Variants in TRAP1 observed in about 807,000 individuals in gnomAD.
The protein encoded by TRAP1 is TNF receptor associated protein 1.
A neutral mutation model predicts 89.1 loss-of-function variants in TRAP1; 102 were observed. The observed-to-expected ratio is 1.15, with a 90% CI of 0.98 to 1.35. TRAP1 has a LOEUF of 1.35. Among genes scored for constraint, TRAP1 ranks in the 40% most tolerant of loss-of-function variants. TRAP1 has a pLI of 0.00. For synonymous variants in TRAP1, 508 were observed against 388.0 expected, an observed-to-expected ratio of 1.31 and a Z score of -3.64; for missense variants, 1,256 against 945.3, an observed-to-expected ratio of 1.33 and a Z score of -4.31.
At chr16:3,678,813 C>G (rs1360261819) in intron 5 of TRAP1, among the ~76,000 whole-genome samples, 1 of 152,186 alleles carries the variant, frequency 6.6e-6, no homozygotes, top group Non-Finnish European at 1.5e-5. Context: ...TTGCCCAGAG[C>G]TGGAAAAGGG....
chr16:3,666,701 T>C (rs1372085536), intron 11 of TRAP1, among the ~76,000 whole-genome samples: 1 of 152,152 alleles, frequency 6.6e-6, no homozygotes, highest in Non-Finnish European at 1.5e-5. Context: ...ATTCTACATG[T>C]ACATAACAAT....
intron 6 of TRAP1, among the ~76,000 whole-genome samples, chr16:3,677,278 C>T (rs545759120): frequency 6.6e-6 from 1 of 152,098 alleles, no homozygotes; most frequent in Non-Finnish European, 1.5e-5. Flanking sequence ...CCTGCCTTCC[C>T]GAGCGCAGTG....
chr16:3,700,645 T>C (rs1302914485), intron 1 of TRAP1, among the ~76,000 whole-genome samples: 2 of 151,934 alleles, frequency 1.3e-5, no homozygotes, highest in African/African-American at 4.8e-5. Flanking sequence ...TTTATATTTT[T>C]AGTAGAGATG....
At chr16:3,675,847 C>T (rs2050984074) in intron 7 of TRAP1, among the ~76,000 whole-genome samples, 189 bp downstream of exon 7, 1 of 152,232 alleles carries the variant, frequency 6.6e-6, no homozygotes, top group African/African-American at 2.4e-5. Context: ...CCTCCCAGTC[C>T]CAGCAGGAGC....
intron 4 of TRAP1, among the ~76,000 whole-genome samples, chr16:3,682,700 T>C (rs1394104412): frequency 1.3e-5 from 2 of 151,734 alleles, no homozygotes; most frequent in African/African-American, 4.8e-5. Context: ...GCAAAAAAAA[T>C]AATTTTTTTA....
intron 1 of TRAP1, among the ~76,000 whole-genome samples, chr16:3,698,019 G>T (rs1194094198): frequency 6.6e-6 from 1 of 151,772 alleles, no homozygotes; most frequent in African/African-American, 2.4e-5. Flanking sequence ...CACCATGTTG[G>T]CCAGGATGGT....
intron 4 of TRAP1, among the ~76,000 whole-genome samples, chr16:3,680,369 C>T (rs1159608347): frequency 1.3e-5 from 2 of 152,216 alleles, no homozygotes; most frequent in African/African-American, 2.4e-5. Context: ...ATTACACCAG[C>T]AATTAGGAAA....
At position 3,705,858 on chromosome 16, in the gene TRAP1, T is replaced by G. The variant is rs143675433; in HGVS notation, c.88+11563A>C. On this transcript the variant is annotated intron_variant, in intron 1 of 17. Coordinates refer to ENST00000246957, the MANE Select transcript of TRAP1 (RefSeq NM_016292.3). Reference sequence around the variant, plus strand: ...CCACACCCGGCTAATTTTATATATATATATATTTTTTTTTAGTAGAGACGG... The same window carrying G: ...CCACACCCGGCTAATTTTATATATAGATATATTTTTTTTTAGTAGAGACGG... Among the ~76,000 whole-genome samples the G allele has an allele frequency of 6.8e-3, 1,031 of 151,548 alleles. 11 individuals carry two copies. The highest frequency in any genetic ancestry group is 0.024 in the African/African-American group (974 of 41,294).
At chr16:3,660,268 T>G (rs1426614910) in intron 16 of TRAP1, 1 of 152,204 alleles carries the variant, frequency 6.6e-6, no homozygotes, top group Non-Finnish European at 1.5e-5. Context: ...GGGACACAGG[T>G]AGGAGGAAAT....
chr16:3,693,399 AAAAATCCCGGGAC>A lies in TRAP1; in HGVS notation c.89-2427_89-2415del, dbSNP rs1221065890. On this transcript the variant is annotated intron_variant, in intron 1 of 17. Transcript: ENST00000246957. ...TTATTCGTACAGTTAAAAAAAAAAA[AAAAATCCCGGGAC>A]ATTTCTTCTGGAATTAAATGGTATT... Among the ~76,000 whole-genome samples, 199 of 126,380 alleles carry A rather than the reference AAAAATCCCGGGAC, an allele frequency of 1.6e-3. 1 individual carries two copies. Among genetic ancestry groups the A allele is most frequent in the African/African-American group, 4.9e-3 (192 of 39,554 alleles). 82.9% of individuals were successfully genotyped at this position (126,380 alleles called of 152,430 possible). A position where few individuals can be genotyped will look rare whatever the true frequency, so the allele number is the denominator to read the frequency against.
At position 3,658,879 on chromosome 16, in the gene TRAP1, C is replaced by T; in HGVS notation, c.1941-14G>A. 6.2e-7 allele frequency: 1 copy of T among 1,613,912 alleles called. No homozygotes were observed. The highest frequency in any genetic ancestry group is 8.5e-7 in the Non-Finnish European group (1 of 1,179,898). On this transcript the variant is annotated splice_polypyrimidine_tract_variant and intron_variant, in intron 16 of 17. Transcript: ENST00000246957. Reference sequence around the variant, plus strand: ...ATGAGCGCGTGCCTGCAACACAGAACCCACCAGAAAAAGCAGCTCAGTACC... The same window carrying T: ...ATGAGCGCGTGCCTGCAACACAGAATCCACCAGAAAAAGCAGCTCAGTACC...
At chr16:3,705,824 C>T (rs1188733338) in intron 1 of TRAP1, among the ~76,000 whole-genome samples, 5 of 151,846 alleles carry the variant, frequency 3.3e-5, no homozygotes, top group Non-Finnish European at 7.4e-5. Context: ...AGATTACAGG[C>T]ATGTGCCACC....
chr16:3,671,011 A>G (rs1361640321), intron 11 of TRAP1, among the ~76,000 whole-genome samples: 1 of 152,038 alleles, frequency 6.6e-6, no homozygotes, highest in Non-Finnish European at 1.5e-5. Context: ...ATCTGCTTCC[A>G]TTTCAACACT....
At chr16:3,714,578 G>A (rs766403638) in intron 1 of TRAP1, among the ~76,000 whole-genome samples, 1 of 152,180 alleles carries the variant, frequency 6.6e-6, no homozygotes, top group Admixed American at 6.5e-5. Flanking sequence ...AGAATCACTC[G>A]AACCCAGGAG....
In TRAP1 at chr16:3,690,918, G is replaced by C; in HGVS notation, c.156C>G (p.Ser52Arg). The C allele has an allele frequency of 6.3e-7, 1 of 1,592,804 alleles. No individual in the cohort carries two copies. The highest frequency in any genetic ancestry group is 8.5e-7 in the Non-Finnish European group (1 of 1,169,884). The change falls in exon 2 of 18, where the codon AGC becomes AGG. Residue 52 changes from serine (S) to arginine (R), a missense_variant. Coordinates refer to ENST00000246957, the MANE Select transcript of TRAP1 (RefSeq NM_016292.3). ...TGCTGAACAGTCGTCCTGCCTGCAA[G>C]CTCCAGGCTGGGTTTCGCCTGGGGC... ...QLGPRRNPAW[S>R]LQAGRLFSTQ...
intron 11 of TRAP1, among the ~76,000 whole-genome samples, chr16:3,667,598 C>A (rs965372094): frequency 6.7e-6 from 1 of 150,354 alleles, no homozygotes; most frequent in Non-Finnish European, 1.5e-5. Flanking sequence ...GCACTCCAGC[C>A]TGAGCAACAG....
chr16:3,701,550 CAAA>C (rs34870237), intron 1 of TRAP1, among the ~76,000 whole-genome samples: 2 of 120,056 alleles, frequency 1.7e-5, no homozygotes, highest in Non-Finnish European at 1.8e-5. Context: ...GACCCTGTCC[CAAA>C]AAAAAAAAAA....
intron 1 of TRAP1, among the ~76,000 whole-genome samples, chr16:3,692,996 C>T (rs983898989): frequency 2.7e-5 from 4 of 149,768 alleles, no homozygotes; most frequent in Non-Finnish European, 5.9e-5. Context: ...CTCGCTCTGT[C>T]GCCCAGGCTG....
chr16:3,660,180 G>C (rs373429953), intron 16 of TRAP1: 1 of 152,182 alleles, frequency 6.6e-6, no homozygotes, highest in Non-Finnish European at 1.5e-5. Flanking sequence ...GTTCCCCCTT[G>C]GAAGCCCACG....
Sources: allele counts gnomAD v4.1 joint callset (sites outside exome capture counted in the v4.1 genomes callset), GRCh38; gene constraint gnomAD v4.1.1; transcripts MANE v1.5; gene names NCBI Gene and HGNC (gene_info 2026-07-23, HGNC 2026-07-21).